ARSB: variants seen among roughly 807,000 people sequenced by gnomAD.
ARSB encodes the protein N-acetylgalactosamine-4-sulfatase.
ARSB carries 41 observed loss-of-function variants against 50.9 expected under a neutral mutation model. That is an observed-to-expected ratio of 0.81 (90% confidence interval 0.63 to 1.04). ARSB has a LOEUF of 1.04. Among genes scored for constraint, ARSB ranks in the 50% least tolerant of loss-of-function variants. ARSB has a pLI of 0.00. For missense variants in ARSB, 672 were observed against 693.3 expected, an observed-to-expected ratio of 0.97 and a Z score of 0.35; for synonymous variants, 269 against 284.8, an observed-to-expected ratio of 0.94 and a Z score of 0.56.
intron 5 of ARSB, among the ~76,000 whole-genome samples, chr5:78,877,841 G>A (rs1747559502): frequency 6.6e-6 from 1 of 152,226 alleles, no homozygotes. Context: ...AAGTGATATA[G>A]ATGTTGGAAT....
At chr5:78,904,417 T>G (rs1057050983) in intron 4 of ARSB, among the ~76,000 whole-genome samples, 5 of 152,130 alleles carry the variant, frequency 3.3e-5, no homozygotes, top group African/African-American at 1.2e-4. Flanking sequence ...AGTTCCATTA[T>G]GATGCTGGTG....
intron 5 of ARSB, among the ~76,000 whole-genome samples, chr5:78,860,601 A>G (rs1189390236): frequency 3.3e-5 from 5 of 152,232 alleles, no homozygotes; most frequent in African/African-American, 4.8e-5. Flanking sequence ...TCTGGGACAC[A>G]TTTAAAGCAC....
At position 78,955,313 on chromosome 5, in the gene ARSB, C is replaced by A. The variant is rs942175743; in HGVS notation, c.880G>T (p.Val294Leu). ...GACTTACCTGTAGAAAAGATGAACA[C>A]CGTGTTGTTCCAGAGCCCACTGCTT... ...LKSSGLWNNT[V>L]FIFSTDNGGQ... The change falls in exon 4 of 8, where the codon GTG becomes TTG. Residue 294 changes from valine to leucine, a missense_variant. By Grantham distance (32) the Val-to-Leu change is conservative. Coordinates refer to ENST00000264914, the MANE Select transcript of ARSB (RefSeq NM_000046.5). 3 of 1,614,148 alleles carry A rather than the reference C, an allele frequency of 1.9e-6. No homozygotes were observed. In the African/African-American group the frequency reaches 4.0e-5, roughly 22 times the overall value.
At chr5:78,885,980 A>G (rs1254289837) in intron 4 of ARSB, among the ~76,000 whole-genome samples, 153 bp from the exon 5 acceptor site, 1 of 152,176 alleles carries the variant, frequency 6.6e-6, no homozygotes, top group East Asian at 1.9e-4. Context: ...CCCTTTTCCC[A>G]TTGACATAGC....
chr5:78,837,447 C>T (rs762023071), intron 6 of ARSB, among the ~76,000 whole-genome samples: 1 of 152,126 alleles, frequency 6.6e-6, no homozygotes, highest in Non-Finnish European at 1.5e-5. Context: ...TTGATGTAGC[C>T]TCACAGTAAC....
intron 5 of ARSB, among the ~76,000 whole-genome samples, chr5:78,861,133 C>A (rs924188554): frequency 1.1e-4 from 17 of 152,130 alleles, no homozygotes; most frequent in Non-Finnish European, 1.9e-4. Flanking sequence ...GCCTACCAAC[C>A]AAAAACAGTC....
rs1247073007 is a variant in ARSB at position 78,955,522 on chromosome 5, A to G, written c.691-20T>C. On this transcript the variant is annotated intron_variant, in intron 3 of 7. Coordinates refer to ENST00000264914, the MANE Select transcript of ARSB (RefSeq NM_000046.5). ...CAGAGGCTGGAAAGAAAGTTTGTGCAAACCAGTTAAGAGGATATTGAAGCA... is the reference window on the plus strand; with the variant it reads ...CAGAGGCTGGAAAGAAAGTTTGTGCGAACCAGTTAAGAGGATATTGAAGCA... The G allele has an allele frequency of 1.2e-6, 2 of 1,600,586 alleles. No individual in the cohort carries two copies. The highest frequency in any genetic ancestry group is 2.7e-5 in the African/African-American group (2 of 74,634).
rs1280023472 is a variant in ARSB, at chr5:78,780,063, T to G, written c.*334A>C. The G allele has an allele frequency of 2.9e-6, 1 of 342,878 alleles. No individual in the cohort carries two copies. The highest frequency in any genetic ancestry group is 5.5e-6 in the Non-Finnish European group (1 of 180,206). 21.2% of individuals were successfully genotyped at this position (342,878 alleles called of 1,614,324 possible). ...GGCAGAGGGGAATCGAACGTCTGACTTGTGAGTCTAAAAGAGCCAGCTGTT... is the reference window on the plus strand; with the variant it reads ...GGCAGAGGGGAATCGAACGTCTGACGTGTGAGTCTAAAAGAGCCAGCTGTT... On this transcript the variant is annotated 3_prime_UTR_variant, in exon 8 of 8. Coordinates refer to ENST00000264914, the MANE Select transcript of ARSB (RefSeq NM_000046.5).
intron 2 of ARSB, 89 bp downstream of exon 2, chr5:78,968,917 A>G: frequency 2.1e-6 from 3 of 1,413,734 alleles, no homozygotes; most frequent in Middle Eastern, 2.1e-4. Context: ...TCAAATATCC[A>G]GTTCTTTCAT....
chr5:78,979,635 C>T (rs1244759442), intron 1 of ARSB, among the ~76,000 whole-genome samples: 1 of 152,136 alleles, frequency 6.6e-6, no homozygotes, highest in African/African-American at 2.4e-5. Flanking sequence ...TCAGTGGGTC[C>T]CTGTTTCCCC....
chr5:78,902,235 T>C (rs770378341), intron 4 of ARSB, among the ~76,000 whole-genome samples: 2 of 152,214 alleles, frequency 1.3e-5, no homozygotes, highest in African/African-American at 2.4e-5. Context: ...CATTAATCTA[T>C]TCATGATGGC....
At chr5:78,849,306 CA>C (rs1414418489) in intron 5 of ARSB, among the ~76,000 whole-genome samples, 2 of 152,104 alleles carry the variant, frequency 1.3e-5, no homozygotes, top group African/African-American at 4.8e-5. Context: ...TTCCCAGCAC[CA>C]TTTATTAAAT....
At chr5:78,943,123 C>A (rs1163153114) in intron 4 of ARSB, among the ~76,000 whole-genome samples, 1 of 151,452 alleles carries the variant, frequency 6.6e-6, no homozygotes, top group Non-Finnish European at 1.5e-5. Flanking sequence ...TTTTGTTTTT[C>A]ATTTGCTTGG....
Position 78,779,304 on chromosome 5 carries a change from CCCT to C in ARSB, c.*1090_*1092del, listed in dbSNP as rs1464096485. The C allele has an allele frequency of 3.3e-5, 5 of 152,228 alleles. No homozygotes were observed. In the South Asian group the frequency reaches 1.0e-3, roughly 32 times the overall value. 9.4% of individuals were successfully genotyped at this position (152,228 alleles called of 1,614,324 possible). ...AGAGAATAAGAGGACTGTGGGTGTG[CCCT>C]CCTCTGCTTTACCAAGGCCCAGTAT... On this transcript the variant is annotated 3_prime_UTR_variant, in exon 8 of 8. Coordinates refer to ENST00000264914, the MANE Select transcript of ARSB (RefSeq NM_000046.5).
intron 6 of ARSB, among the ~76,000 whole-genome samples, chr5:78,804,021 C>A (rs572875527): frequency 6.6e-6 from 1 of 152,320 alleles, no homozygotes; most frequent in Admixed American, 6.5e-5. Flanking sequence ...CCTGGCAGTC[C>A]TGCTGAGTGA....
intron 4 of ARSB, among the ~76,000 whole-genome samples, chr5:78,888,640 T>A (rs1169759595): frequency 6.6e-6 from 1 of 152,082 alleles, no homozygotes; most frequent in Non-Finnish European, 1.5e-5. Flanking sequence ...AAGATGGTGG[T>A]GGAAATAAGA....
In ARSB at chr5:78,850,568, A is replaced by C. The variant is rs955805518; in HGVS notation, c.1143-11142T>G. On this transcript the variant is annotated intron_variant, in intron 5 of 7. Transcript: ENST00000264914. Reference sequence around the variant, plus strand: ...GGCTTTGGTATCAGGATGATGCTGGACTCATAAAATGAGTTAGGGAGGATT... The same window carrying C: ...GGCTTTGGTATCAGGATGATGCTGGCCTCATAAAATGAGTTAGGGAGGATT... Among the ~76,000 whole-genome samples, 14 of 151,920 alleles carry C rather than the reference A, an allele frequency of 9.2e-5. No individual in the cohort carries two copies. In the East Asian group the frequency reaches 1.2e-3, roughly 13 times the overall value.
Position 78,919,682 on chromosome 5 carries a change from G to A in ARSB, c.899-33855C>T, listed in dbSNP as rs535595902. 1.2e-4 allele frequency among the ~76,000 whole-genome samples: 18 copies of A among 152,056 alleles called. No individual in the cohort carries two copies. The South Asian group carries it at 3.3e-3, about 28-fold the overall frequency. ...TAATTTTTGTATTTTTAGTAGAGAC[G>A]GGGATTCACCATGTTGGTCAGGCTG... is the stretch of plus-strand genomic sequence containing the variant. On this transcript the variant is annotated intron_variant, in intron 4 of 7. Transcript: ENST00000264914.
rs566928106 is a variant in ARSB, at chr5:78,948,793, C to T, written c.898+6502G>A. ...TAAATATATGTCAAATTTAAATAACCACATACATTCCTTGTAAGGTAAATT... is the reference window on the plus strand; with the variant it reads ...TAAATATATGTCAAATTTAAATAACTACATACATTCCTTGTAAGGTAAATT... On this transcript the variant is annotated intron_variant, in intron 4 of 7. Transcript: ENST00000264914. Among the ~76,000 whole-genome samples the T allele has an allele frequency of 2.6e-5, 4 of 152,074 alleles. No homozygotes were observed. In the South Asian group the frequency reaches 8.3e-4, roughly 32 times the overall value.
Sources: allele counts gnomAD v4.1 joint callset (sites outside exome capture counted in the v4.1 genomes callset), GRCh38; gene constraint gnomAD v4.1.1; transcripts MANE v1.5; gene names NCBI Gene and HGNC (gene_info 2026-07-23, HGNC 2026-07-21).